METTL24: variants seen among roughly 807,000 people sequenced by gnomAD.
METTL24 encodes probable methyltransferase-like protein 24.
Under a neutral mutation model 32.7 loss-of-function variants are expected in METTL24, and 29 were observed. The observed-to-expected ratio is 0.89, with a 90% CI of 0.66 to 1.21. METTL24 has a LOEUF of 1.21. METTL24 is among the 50% of genes most tolerant of loss of function. The pLI is 0.00. For synonymous variants in METTL24, 163 were observed against 179.5 expected (o/e 0.91, Z 0.73); for missense variants, 439 against 468.1 (o/e 0.94, Z 0.57).
intron 1 of METTL24, among the ~76,000 whole-genome samples, chr6:110,352,100 A>G (rs1274611700): frequency 1.3e-5 from 2 of 152,126 alleles, no homozygotes; most frequent in African/African-American, 4.8e-5. Flanking sequence ...TTCCCCTACG[A>G]TCTTACCCTC....
intron 3 of METTL24, among the ~76,000 whole-genome samples, chr6:110,301,545 T>C (rs1486666995): frequency 6.6e-6 from 1 of 152,074 alleles, no homozygotes; most frequent in Admixed American, 6.5e-5. Flanking sequence ...CCTCGAGAAT[T>C]TGCACTCCAG....
At chr6:110,247,831 CAA>C (rs886851300) in intron 4 of METTL24, among the ~76,000 whole-genome samples, 2 of 152,218 alleles carry the variant, frequency 1.3e-5, no homozygotes, top group Non-Finnish European at 1.5e-5. Flanking sequence ...ATATGAGGCT[CAA>C]ACGTGAGGCT....
intron 4 of METTL24, among the ~76,000 whole-genome samples, chr6:110,270,670 A>G (rs1307588731): frequency 1.3e-5 from 2 of 152,086 alleles, no homozygotes; most frequent in African/African-American, 4.8e-5. Context: ...GTAAAGCCAA[A>G]TCTCTTACAA....
At chr6:110,301,399 C>G (rs1028956194) in intron 3 of METTL24, among the ~76,000 whole-genome samples, 1 of 152,190 alleles carries the variant, frequency 6.6e-6, no homozygotes, top group Non-Finnish European at 1.5e-5. Context: ...GAGAAAGAGT[C>G]CTTCCCTGCC....
intron 1 of METTL24, among the ~76,000 whole-genome samples, chr6:110,325,322 C>T (rs1228881398): frequency 1.3e-5 from 2 of 152,228 alleles, no homozygotes; most frequent in African/African-American, 4.8e-5. Flanking sequence ...TTGCAGGCCA[C>T]ACAGTTTCTG....
Position 110,311,468 on chromosome 6 carries a change from G to GTTT in METTL24, c.557+3871_557+3873dup, listed in dbSNP as rs1051868507. Among the ~76,000 whole-genome samples, 806 of 96,104 alleles carry GTTT rather than the reference G, an allele frequency of 8.4e-3. 29 individuals carry two copies. Among genetic ancestry groups the GTTT allele is most frequent in the African/African-American group, 0.019 (458 of 23,532 alleles). The allele number at this position is 96,104 out of a possible 152,430, so 63.0% of individuals were successfully genotyped here. On this transcript the variant is annotated intron_variant, in intron 3 of 4. Transcript: ENST00000338882. ...TTCTTTTCTTTTCTTTTCTTTCTTT[G>GTTT]TTTTTTTTTTTTTTTTTTTTTTTGA...
chr6:110,250,467 C>A (rs1024682382), intron 4 of METTL24, among the ~76,000 whole-genome samples: 1 of 151,948 alleles, frequency 6.6e-6, no homozygotes, highest in Non-Finnish European at 1.5e-5. Flanking sequence ...TCTAGAACCA[C>A]ACTATTTCCA....
chr6:110,322,827 G>GATGA lies in METTL24; in HGVS notation c.363_364insTCAT (p.Gln122SerfsTer6). ...CTCCAGGCTTCTTCATCCAGGGACT[G>GATGA]AGCAGAGCCTGCCCAAGGCTGGAGA... On this transcript the variant is annotated frameshift_variant, in exon 2 of 5. Coordinates refer to ENST00000338882, the MANE Select transcript of METTL24 (RefSeq NM_001123364.3). LOFTEE classifies it high-confidence loss of function. The GATGA allele has an allele frequency of 6.2e-7, 1 of 1,614,004 alleles. No individual in the cohort carries two copies. The highest frequency in any genetic ancestry group is 8.5e-7 in the Non-Finnish European group (1 of 1,179,924).
At chr6:110,279,028 G>C (rs1161560276) in intron 4 of METTL24, among the ~76,000 whole-genome samples, 1 of 140,724 alleles carries the variant, frequency 7.1e-6, no homozygotes, top group African/African-American at 3.1e-5. Flanking sequence ...AGAGTATGGT[G>C]GTCTGTAACA....
At chr6:110,246,295 T>C (rs749631628) in intron 4 of METTL24, 35 bp from the exon 5 acceptor site, 52 of 1,524,752 alleles carry the variant, frequency 3.4e-5, no homozygotes, top group Non-Finnish European at 4.6e-5. Context: ...TTAGCAGATT[T>C]AGTAAAACTA....
intron 3 of METTL24, among the ~76,000 whole-genome samples, chr6:110,310,572 T>C (rs1250288559): frequency 6.6e-6 from 1 of 152,200 alleles, no homozygotes; most frequent in African/African-American, 2.4e-5. Context: ...TTCTCCATAA[T>C]ATGTATCTTT....
chr6:110,259,169 A>T (rs1778441883), intron 4 of METTL24, among the ~76,000 whole-genome samples: 1 of 152,284 alleles, frequency 6.6e-6, no homozygotes, highest in East Asian at 1.9e-4. Context: ...AGGGTGAGGC[A>T]TCGCCTCACC....
At chr6:110,335,113 A>G (rs1313918121) in intron 1 of METTL24, among the ~76,000 whole-genome samples, 3 of 152,210 alleles carry the variant, frequency 2.0e-5, no homozygotes, top group African/African-American at 7.2e-5. Flanking sequence ...GGAAAAATCC[A>G]CAGTCTTTAT....
chr6:110,348,367 T>C (rs1772522643), intron 1 of METTL24, among the ~76,000 whole-genome samples: 1 of 152,216 alleles, frequency 6.6e-6, no homozygotes, highest in Admixed American at 6.5e-5. Flanking sequence ...CATACTGAAG[T>C]ATTTTCATGA....
intron 3 of METTL24, among the ~76,000 whole-genome samples, chr6:110,307,885 C>T (rs2114740521): frequency 6.6e-6 from 1 of 152,288 alleles, no homozygotes; most frequent in East Asian, 1.9e-4. Context: ...TTATGTAATT[C>T]ATCCTGACAA....
chr6:110,268,206 C>T (rs1187150565), intron 4 of METTL24, among the ~76,000 whole-genome samples: 1 of 152,116 alleles, frequency 6.6e-6, no homozygotes, highest in East Asian at 1.9e-4. Context: ...AAAGGTCATA[C>T]AGTTTGTGAG....
chr6:110,302,300 C>CA (rs1307273924), intron 3 of METTL24, among the ~76,000 whole-genome samples: 2 of 150,792 alleles, frequency 1.3e-5, no homozygotes, highest in Non-Finnish European at 3.0e-5. Context: ...AACATTATGT[C>CA]AAAAAAAGTA....
rs796594036 is a variant in METTL24 at position 110,270,260 on chromosome 6, G to C, written c.787-24000C>G. ...TAAAATTTTTAGACTGAGGTTTCCA[G>C]GATCCTCTATCCTCTTACTCATCCT... On this transcript the variant is annotated intron_variant, in intron 4 of 4. Transcript: ENST00000338882. Among the ~76,000 whole-genome samples, 20 of 151,992 alleles carry C rather than the reference G, an allele frequency of 1.3e-4. No homozygotes were observed. In the South Asian group the frequency reaches 4.0e-3, roughly 30 times the overall value.
At chr6:110,324,004 C>G (rs1409002120) in intron 1 of METTL24, among the ~76,000 whole-genome samples, 1 of 152,070 alleles carries the variant, frequency 6.6e-6, no homozygotes, top group East Asian at 1.9e-4. Flanking sequence ...TCTAGACAGG[C>G]CAGCCGTGAG....
Sources: gnomAD v4.1 joint callset for allele counts (sites outside exome capture counted in the v4.1 genomes callset) on GRCh38, gnomAD v4.1.1 for gene constraint, MANE v1.5 for transcripts, NCBI Gene and HGNC (gene_info 2026-07-23, HGNC 2026-07-21) for gene names.